Variants in CACNA2D3 observed in about 807,000 individuals in gnomAD.
CACNA2D3 encodes calcium voltage-gated channel auxiliary subunit alpha2delta 3.
CACNA2D3 carries 60 observed loss-of-function variants against 160.6 expected under a neutral mutation model. The observed-to-expected ratio is 0.37, with a 90% CI of 0.30 to 0.46. The LOEUF (loss-of-function observed/expected upper bound fraction) is 0.46, where lower values mean the gene tolerates loss of function less well. Ranked by LOEUF, CACNA2D3 falls within the 20% of genes least tolerant of loss-of-function variation. The probability of loss-of-function intolerance (pLI) is 1.00; values close to 1 mark genes in which losing one functional copy is unlikely to be tolerated. For synonymous variants in CACNA2D3, 558 were observed against 492.9 expected (o/e 1.13, Z -1.75); for missense variants, 1,205 against 1,365.0 (o/e 0.88, Z 1.85).
At chr3:54,573,588 G>T (rs554465055) in intron 8 of CACNA2D3, among the ~76,000 whole-genome samples, 1 of 152,200 alleles carries the variant, frequency 6.6e-6, no homozygotes, top group Non-Finnish European at 1.5e-5. Context: ...AGTGCAGTGC[G>T]TACAGTGCAC....
intron 2 of CACNA2D3, among the ~76,000 whole-genome samples, chr3:54,248,519 A>AT (rs1702126277): frequency 6.6e-6 from 1 of 151,920 alleles, no homozygotes. Context: ...AGAAAAAAAA[A>AT]GGTGGGGCCC....
At chr3:55,027,910 C>A (rs1703599092) in intron 35 of CACNA2D3, among the ~76,000 whole-genome samples, 1 of 152,186 alleles carries the variant, frequency 6.6e-6, no homozygotes, top group Non-Finnish European at 1.5e-5. Context: ...CCCACGGGAA[C>A]AGGCTTCAGC....
intron 4 of CACNA2D3, among the ~76,000 whole-genome samples, chr3:54,421,988 T>A (rs2106752403): frequency 6.6e-6 from 1 of 152,292 alleles, no homozygotes; most frequent in East Asian, 1.9e-4. Context: ...TATAATTCAT[T>A]TGTAGCTTTA....
At chr3:54,803,481 G>A (rs571331242) in intron 13 of CACNA2D3, among the ~76,000 whole-genome samples, 135 of 152,222 alleles carry the variant, frequency 8.9e-4, no homozygotes, top group African/African-American at 3.0e-3. Context: ...TGAAATGAAT[G>A]AAGCGAGAAG....
chr3:54,498,541 G>C (rs1701239640), intron 4 of CACNA2D3, among the ~76,000 whole-genome samples: 1 of 151,556 alleles, frequency 6.6e-6, no homozygotes. Context: ...TGGTATTATT[G>C]ATTTTTTCCT....
intron 33 of CACNA2D3, among the ~76,000 whole-genome samples, chr3:55,008,569 C>T (rs148888955): frequency 5.9e-5 from 9 of 152,264 alleles, no homozygotes; most frequent in Non-Finnish European, 1.2e-4. Context: ...GATGGATAGT[C>T]ACTGTCCTCT....
At chr3:54,394,446 T>A (rs1343077608) in intron 4 of CACNA2D3, among the ~76,000 whole-genome samples, 1 of 145,976 alleles carries the variant, frequency 6.9e-6, no homozygotes, top group Non-Finnish European at 1.5e-5. Context: ...ATTAGGTATA[T>A]CTCCCAATGC....
At chr3:54,161,298 A>G (rs1700340130) in intron 2 of CACNA2D3, among the ~76,000 whole-genome samples, 1 of 152,166 alleles carries the variant, frequency 6.6e-6, no homozygotes. Context: ...TGGCCATACC[A>G]TTGCCACCTG....
intron 13 of CACNA2D3, among the ~76,000 whole-genome samples, chr3:54,794,102 A>G (rs1248508280): frequency 3.3e-5 from 5 of 152,192 alleles, no homozygotes; most frequent in Non-Finnish European, 7.4e-5. Flanking sequence ...CAAATTTTAT[A>G]TATAATGATC....
At chr3:54,959,919 A>G (rs985408991) in intron 27 of CACNA2D3, among the ~76,000 whole-genome samples, 1 of 152,156 alleles carries the variant, frequency 6.6e-6, no homozygotes, top group Non-Finnish European at 1.5e-5. Flanking sequence ...AGATTACCTC[A>G]AGGGTGAAAA....
chr3:54,713,045 G>T (rs1700982191), intron 11 of CACNA2D3, among the ~76,000 whole-genome samples: 1 of 152,240 alleles, frequency 6.6e-6, no homozygotes, highest in Non-Finnish European at 1.5e-5. Context: ...ATGTTGTGAT[G>T]ATTAGGTGAG....
intron 26 of CACNA2D3, among the ~76,000 whole-genome samples, chr3:54,899,526 C>T (rs1022798714): frequency 2.6e-5 from 4 of 152,096 alleles, no homozygotes; most frequent in South Asian, 2.1e-4. Context: ...TCAATGGTTT[C>T]GATGTGAAGA....
intron 4 of CACNA2D3, among the ~76,000 whole-genome samples, chr3:54,469,215 GCT>G (rs1700685626): frequency 6.6e-6 from 1 of 152,198 alleles, no homozygotes; most frequent in Admixed American, 6.5e-5. Flanking sequence ...CTGGGACGAA[GCT>G]TGCAGAGGAA....
At chr3:54,336,716 T>G (rs1387015773) in intron 3 of CACNA2D3, among the ~76,000 whole-genome samples, 1 of 152,158 alleles carries the variant, frequency 6.6e-6, no homozygotes, top group Non-Finnish European at 1.5e-5. Flanking sequence ...GAACCCATCA[T>G]TAGGGAAAGG....
intron 34 of CACNA2D3, among the ~76,000 whole-genome samples, chr3:55,011,556 T>C (rs537014652): frequency 1.8e-4 from 27 of 149,556 alleles, no homozygotes; most frequent in African/African-American, 6.0e-4. Context: ...TGAAAACTTT[T>C]TGATGAAATT....
chr3:54,461,978 C>G (rs1221408304), intron 4 of CACNA2D3, among the ~76,000 whole-genome samples: 2 of 152,102 alleles, frequency 1.3e-5, no homozygotes, highest in East Asian at 3.9e-4. Context: ...TATGTTGTGT[C>G]TTTGTTCTGG....
chr3:54,204,534 C>T (rs571035634), intron 2 of CACNA2D3, among the ~76,000 whole-genome samples: 41 of 151,898 alleles, frequency 2.7e-4, no homozygotes, highest in South Asian at 8.3e-4. Context: ...CGGTGGCTCA[C>T]GCCTGTAATC....
At chr3:54,469,514 C>T (rs952554568) in intron 4 of CACNA2D3, among the ~76,000 whole-genome samples, 5 of 151,130 alleles carry the variant, frequency 3.3e-5, no homozygotes, top group Admixed American at 2.6e-4. Flanking sequence ...AACCAGAATG[C>T]CTCTTCTCCT....
At chr3:54,857,482 G>A (rs1699198144) in intron 17 of CACNA2D3, among the ~76,000 whole-genome samples, 1 of 152,152 alleles carries the variant, frequency 6.6e-6, no homozygotes, top group African/African-American at 2.4e-5. Context: ...CCCTTCTCAG[G>A]TGGGGTGTCT....
Sources: allele counts gnomAD v4.1 joint callset (sites outside exome capture counted in the v4.1 genomes callset), GRCh38; gene constraint gnomAD v4.1.1; transcripts MANE v1.5; gene names NCBI Gene and HGNC (gene_info 2026-07-23, HGNC 2026-07-21).